The following TMEM108 variants were observed in gnomAD, a reference collection of about 807,000 sequenced individuals.
The protein encoded by TMEM108 is transmembrane protein 108.
In TMEM108, 12 loss-of-function variants were observed where a neutral mutation model predicts 35.1. That is an observed-to-expected ratio of 0.34 (90% CI 0.22 to 0.55). The LOEUF is 0.55. Ranked by LOEUF, TMEM108 falls within the 20% of genes least tolerant of loss-of-function variation. The pLI, the probability that TMEM108 is intolerant of heterozygous loss-of-function variation, is 0.89. For synonymous variants in TMEM108, 287 were observed against 308.6 expected (o/e 0.93, Z 0.73); for missense variants, 680 against 753.3 (o/e 0.90, Z 1.14).
At chr3:133,136,040 ATTTTTC>A (rs964592598) in intron 2 of TMEM108, among the ~76,000 whole-genome samples, 3 of 152,078 alleles carry the variant, frequency 2.0e-5, no homozygotes, top group Admixed American at 6.6e-5. Flanking sequence ...GGTCATTACT[ATTTTTC>A]TTTTACTTTC....
chr3:133,110,713 A>G (rs1944214540), intron 2 of TMEM108, among the ~76,000 whole-genome samples: 1 of 152,046 alleles, frequency 6.6e-6, no homozygotes, highest in Non-Finnish European at 1.5e-5. Flanking sequence ...ACAGATACAA[A>G]CTCCTGAACC....
chr3:133,198,432 G>A (rs191351705), intron 2 of TMEM108, among the ~76,000 whole-genome samples: 2 of 152,276 alleles, frequency 1.3e-5, no homozygotes. Flanking sequence ...AAGAGGATGG[G>A]GTACCCCCTG....
intron 3 of TMEM108, among the ~76,000 whole-genome samples, chr3:133,379,274 G>A (rs762692437): frequency 6.6e-6 from 1 of 152,186 alleles, no homozygotes; most frequent in African/African-American, 2.4e-5. Flanking sequence ...ATAAGAGTTG[G>A]TACATACTGC....
intron 4 of TMEM108, among the ~76,000 whole-genome samples, chr3:133,384,442 C>T (rs2073095167): frequency 8.0e-6 from 1 of 124,716 alleles, no homozygotes. Context: ...GTCCGTTCAC[C>T]TGCCCTCCCA....
chr3:133,395,849 C>T lies in TMEM108; in HGVS notation c.1606-15C>T. 1 of 1,568,066 alleles carries T rather than the reference C, an allele frequency of 6.4e-7. No homozygotes were observed. Among genetic ancestry groups the T allele is most frequent in the Non-Finnish European group, 8.6e-7 (1 of 1,159,124 alleles). On this transcript the variant is annotated splice_polypyrimidine_tract_variant and intron_variant, in intron 5 of 5. Transcript: ENST00000321871. ...CTTCTCCAGCTCACTCCATCTCCTC[C>T]CTCTCTCTTCCCAGGACCAGCTCTC...
chr3:133,257,258 A>G (rs1241849765), intron 3 of TMEM108: 2 of 152,226 alleles, frequency 1.3e-5, no homozygotes, highest in East Asian at 3.8e-4. Context: ...AGGATTAACT[A>G]TAGACTTGTA....
At chr3:133,065,600 A>G (rs1943597458) in intron 2 of TMEM108, among the ~76,000 whole-genome samples, 2 of 152,164 alleles carry the variant, frequency 1.3e-5, no homozygotes, top group Admixed American at 6.6e-5. Context: ...GCTGCATTTA[A>G]TTAATAGCTT....
intron 3 of TMEM108, among the ~76,000 whole-genome samples, chr3:133,328,461 T>C (rs1471558766): frequency 2.0e-5 from 3 of 152,208 alleles, no homozygotes; most frequent in Non-Finnish European, 2.9e-5. Context: ...GATTAGTTTT[T>C]TCTGTTTCTG....
chr3:133,380,415 T>A lies in TMEM108; in HGVS notation c.704T>A (p.Leu235His), dbSNP rs2072974588. 1 of 1,613,396 alleles carries A rather than the reference T, an allele frequency of 6.2e-7. No homozygotes were observed. Among genetic ancestry groups the A allele is most frequent in the African/African-American group, 1.3e-5 (1 of 74,902 alleles). The change falls in exon 4 of 6, where the codon CTC becomes CAC. Residue 235 changes from leucine (L) to histidine (H), a missense_variant. By Grantham distance (99) the Leu-to-His change is moderately conservative. Around this residue, in one of 3 missense-constraint regions of TMEM108, gnomAD observed 526 missense variants for 532.1 expected, o/e 0.99. Coordinates refer to ENST00000321871, the MANE Select transcript of TMEM108 (RefSeq NM_023943.4). This position sits in a 1 kb window ranked among gnomAD's most constrained non-coding sequence, Gnocchi z 5.3. ...TGSVEPEPSTLTPRTPLWGYS... is the reference protein window; with the variant it reads ...TGSVEPEPSTHTPRTPLWGYS... ...TCTGTGGAACCGGAGCCCTCTACCC[T>A]CACCCCCAGGACCCCACTCTGGGGC...
intron 1 of TMEM108, among the ~76,000 whole-genome samples, chr3:133,043,887 T>C (rs1943304405): frequency 6.6e-6 from 1 of 152,220 alleles, no homozygotes; most frequent in Admixed American, 6.5e-5. Flanking sequence ...TTCTCACTTT[T>C]CCTAATTGTT....
chr3:133,107,816 G>A (rs866647393), intron 2 of TMEM108, among the ~76,000 whole-genome samples: 1 of 152,142 alleles, frequency 6.6e-6, no homozygotes, highest in African/African-American at 2.4e-5. Context: ...TGATCTGGGT[G>A]TAATGAATAC....
chr3:133,200,729 C>T (rs1316997411), intron 2 of TMEM108, among the ~76,000 whole-genome samples: 1 of 152,116 alleles, frequency 6.6e-6, no homozygotes, highest in African/African-American at 2.4e-5. Flanking sequence ...TTGTTTTTGT[C>T]TTATGTTGTT....
intron 2 of TMEM108, among the ~76,000 whole-genome samples, chr3:133,094,233 A>ACCCCCCC (rs1414247366): frequency 4.3e-5 from 1 of 23,322 alleles, no homozygotes. Context: ...CCCACCCCCC[A>ACCCCCCC]CCCCCCCCAC....
chr3:133,390,069 T>A (rs1234980341), intron 4 of TMEM108, 111 bp from the exon 5 acceptor site: 2 of 1,351,828 alleles, frequency 1.5e-6, no homozygotes, highest in African/African-American at 2.9e-5. Context: ...CTGCCCCTTT[T>A]CCCACCATAC....
At chr3:133,307,478 T>C (rs2071057845) in intron 3 of TMEM108, among the ~76,000 whole-genome samples, 1 of 152,178 alleles carries the variant, frequency 6.6e-6, no homozygotes, top group African/African-American at 2.4e-5. Flanking sequence ...TTGCCTAGTT[T>C]TTCTTCTAGG....
chr3:133,140,857 TTAA>T (rs1944631238), intron 2 of TMEM108, among the ~76,000 whole-genome samples: 1 of 152,172 alleles, frequency 6.6e-6, no homozygotes. Context: ...TTTCTAATTT[TTAA>T]TAATTATATA....
intron 2 of TMEM108, among the ~76,000 whole-genome samples, chr3:133,209,208 A>AAT (rs569760541): frequency 1.1e-4 from 16 of 144,576 alleles, no homozygotes; most frequent in Non-Finnish European, 2.3e-4. Context: ...CACCTGGCTA[A>AAT]TTTTTTTTTT....
chr3:133,157,275 G>A (rs934692556), intron 2 of TMEM108, among the ~76,000 whole-genome samples: 1 of 152,152 alleles, frequency 6.6e-6, no homozygotes, highest in Admixed American at 6.5e-5. Flanking sequence ...CTACAGACCA[G>A]GACTAGAACT....
chr3:133,154,407 G>GT (rs1282138715), intron 2 of TMEM108, among the ~76,000 whole-genome samples: 1 of 152,034 alleles, frequency 6.6e-6, no homozygotes, highest in Non-Finnish European at 1.5e-5. Context: ...TTCTTCTAGG[G>GT]TTTTTATGGT....
Sources: allele counts gnomAD v4.1 joint callset (sites outside exome capture counted in the v4.1 genomes callset), GRCh38; gene constraint gnomAD v4.1.1; regional missense constraint gnomAD v4.1.1; non-coding constraint Gnocchi (gnomAD v3.1); transcripts MANE v1.5; gene names NCBI Gene and HGNC (gene_info 2026-07-23, HGNC 2026-07-21).